The following COPS5 variants were observed in gnomAD, a reference collection of about 807,000 sequenced individuals.
The protein encoded by COPS5 is COP9 signalosome complex subunit 5.
A neutral mutation model predicts 44.4 loss-of-function variants in COPS5; 8 were observed. That is an observed-to-expected ratio of 0.18 (90% CI 0.11 to 0.32). The LOEUF (loss-of-function observed/expected upper bound fraction) is 0.32, where lower values mean the gene tolerates loss of function less well. COPS5 is among the 10% of genes least tolerant of loss of function. The pLI is 1.00. For synonymous variants in COPS5, 122 were observed against 142.8 expected (o/e 0.85, Z 1.04); for missense variants, 159 against 406.4 (o/e 0.39, Z 5.23).
chr8:67,057,937 G>T, intron 3 of COPS5, 146 bp downstream of exon 3: 1 of 822,078 alleles, frequency 1.2e-6, no homozygotes, highest in Non-Finnish European at 1.9e-6. Context: ...CAAAGTCCCA[G>T]CTTCTAAGAG....
rs1450568032 is a variant in COPS5, at chr8:67,045,800, A to G, written c.920+12T>C. ...GTTAGGGGCAACAGGAATCTTATAG[A>G]TTTACTCTTACCTGTCTCTTGTAGC... is the stretch of plus-strand genomic sequence containing the variant. On this transcript the variant is annotated intron_variant, in intron 7 of 7. Coordinates refer to ENST00000357849, the MANE Select transcript of COPS5 (RefSeq NM_006837.3). 5 of 1,613,818 alleles carry G rather than the reference A, an allele frequency of 3.1e-6. No homozygotes were observed. Among genetic ancestry groups the G allele is most frequent in the Non-Finnish European group, 4.2e-6 (5 of 1,179,932 alleles).
chr8:67,056,155 A>G (rs956755041), intron 5 of COPS5, among the ~76,000 whole-genome samples: 6 of 152,286 alleles, frequency 3.9e-5, no homozygotes, highest in Middle Eastern at 6.8e-3. Context: ...AAACATTAAT[A>G]AAAAATGCAA....
At chr8:67,059,140 GT>G (rs1417509277) in intron 2 of COPS5, 70 bp downstream of exon 2, 2 of 1,023,096 alleles carry the variant, frequency 2.0e-6, no homozygotes, top group African/African-American at 3.2e-5. Context: ...ATAATTTTAA[GT>G]TTAGAAACTC....
At chr8:67,050,905 G>A (rs1317409448) in intron 6 of COPS5, among the ~76,000 whole-genome samples, 1 of 151,836 alleles carries the variant, frequency 6.6e-6, no homozygotes. Flanking sequence ...CCTGTTACTT[G>A]TAACCAGAGT....
At chr8:67,047,904 T>C (rs1488480085) in intron 6 of COPS5, 2 of 702,550 alleles carry the variant, frequency 2.8e-6, no homozygotes, top group East Asian at 2.7e-5. Context: ...TTCTGGCACA[T>C]AGGAAGCATG....
chr8:67,060,001 T>C (rs911549749), intron 1 of COPS5: 1 of 165,382 alleles, frequency 6.0e-6, no homozygotes, highest in Non-Finnish European at 1.3e-5. Context: ...AAGTGCTTAG[T>C]GCCTTACACA....
intron 3 of COPS5, 64 bp from the exon 4 acceptor site, chr8:67,057,509 T>A: frequency 8.6e-7 from 1 of 1,156,858 alleles, no homozygotes; most frequent in Non-Finnish European, 1.3e-6. Context: ...TTAAACATTA[T>A]AAACCTAGAA....
chr8:67,051,562 A>G (rs929558374), intron 5 of COPS5, among the ~76,000 whole-genome samples: 6 of 152,136 alleles, frequency 3.9e-5, no homozygotes, highest in Non-Finnish European at 7.4e-5. Context: ...TTTTTTCTGT[A>G]GAGCCCAGAA....
rs200780478 is a variant in COPS5, at chr8:67,059,483, A to T, written c.144-38T>A. The T allele has an allele frequency of 1.3e-5, 19 of 1,478,078 alleles. No individual in the cohort carries two copies. The East Asian group carries it at 4.3e-4, about 34-fold the overall frequency. 91.6% of individuals were successfully genotyped at this position (1,478,078 alleles called of 1,614,324 possible). On this transcript the variant is annotated intron_variant, in intron 1 of 7. Transcript: ENST00000357849. The stretch of plus-strand genomic sequence containing the variant: ...ATCACAATGTAATTAAATTCCTTAT[A>T]TAAAGTAAAATTTCAGAAAAGTTTT...
At chr8:67,060,622 A>C in intron 1 of COPS5, 2 of 567,100 alleles carry the variant, frequency 3.5e-6, no homozygotes, top group Non-Finnish European at 5.7e-6. Flanking sequence ...ACATTATCTC[A>C]CCTAATCTCT....
chr8:67,049,813 C>T (rs575444949), intron 6 of COPS5, among the ~76,000 whole-genome samples: 1 of 152,272 alleles, frequency 6.6e-6, no homozygotes, highest in East Asian at 1.9e-4. Context: ...TCTCCAAACC[C>T]AGTTTATTTA....
chr8:67,059,422 T>C lies in COPS5; in HGVS notation c.167A>G (p.Lys56Arg), dbSNP rs1424094783. Residue 56 changes from lysine (K) to arginine (R), a missense_variant, in exon 2 of 8, where the codon AAA (lysine) becomes AGA (arginine). This residue lies in a region of COPS5 where 134 missense variants were observed against 376.7 expected (regional missense o/e 0.36). Transcript: ENST00000357849. ...TKDHHYFKYC[K>R]ISALALLKMV... ...CTTCAGCAGAGCCAATGCTGAGATTTTGCAGTACTTAAAGTAATGGTGACT... is the reference window on the plus strand; with the variant it reads ...CTTCAGCAGAGCCAATGCTGAGATTCTGCAGTACTTAAAGTAATGGTGACT... 6.2e-7 allele frequency: 1 copy of C among 1,614,026 alleles called. No individual in the cohort carries two copies. Among genetic ancestry groups the C allele is most frequent in the East Asian group, 2.2e-5 (1 of 44,882 alleles).
chr8:67,047,565 A>G, intron 6 of COPS5: 1 of 388,150 alleles, frequency 2.6e-6, no homozygotes, highest in East Asian at 3.7e-5. Context: ...CTTAGGTTAC[A>G]TGCTATAATT....
At chr8:67,056,671 AT>A in intron 4 of COPS5, 67 bp from the exon 5 acceptor site, 1 of 35,988 alleles carries the variant, frequency 2.8e-5, no homozygotes, top group Non-Finnish European at 5.3e-5. Context: ...ATATATATAT[AT>A]ATATATATAT....
chr8:67,055,734 C>T (rs1037837457), intron 5 of COPS5, among the ~76,000 whole-genome samples: 6 of 151,748 alleles, frequency 4.0e-5, no homozygotes, highest in African/African-American at 1.5e-4. Context: ...GGTGTGGTGG[C>T]ACACACCTAT....
chr8:67,055,592 G>C (rs1248095258), intron 5 of COPS5, among the ~76,000 whole-genome samples: 1 of 152,104 alleles, frequency 6.6e-6, no homozygotes, highest in African/African-American at 2.4e-5. Context: ...CGTAGGCCGG[G>C]CACAGTGGCT....
intron 1 of COPS5, chr8:67,060,649 G>GACC: frequency 2.5e-6 from 1 of 400,294 alleles, no homozygotes; most frequent in Non-Finnish European, 4.4e-6. Context: ...ATACCAATAA[G>GACC]TAGGTCTTAT....
chr8:67,060,769 G>A (rs897479992), intron 1 of COPS5: 3 of 271,136 alleles, frequency 1.1e-5, no homozygotes, highest in East Asian at 2.0e-4. Context: ...TCAGTTGAGA[G>A]TTCACTTATG....
intron 5 of COPS5, among the ~76,000 whole-genome samples, chr8:67,056,063 T>C (rs1804498310): frequency 6.6e-6 from 1 of 152,164 alleles, no homozygotes; most frequent in South Asian, 2.1e-4. Context: ...ATCTTTCACT[T>C]GTTATAATTT....
Sources: gnomAD v4.1 joint callset for allele counts (sites outside exome capture counted in the v4.1 genomes callset) on GRCh38, gnomAD v4.1.1 for gene constraint, gnomAD v4.1.1 regional missense constraint, MANE v1.5 for transcripts, NCBI Gene and HGNC (gene_info 2026-07-23, HGNC 2026-07-21) for gene names.